Variants in NPAT observed in about 807,000 individuals in gnomAD.
NPAT encodes protein NPAT.
In NPAT, 52 loss-of-function variants were observed where a neutral mutation model predicts 130.7. That is an observed-to-expected ratio of 0.40 (90% CI 0.32 to 0.50). NPAT has a LOEUF of 0.50. NPAT is among the 20% of genes least tolerant of loss of function. NPAT has a pLI of 0.68. For missense variants in NPAT, 1,687 were observed against 1,662.6 expected, an observed-to-expected ratio of 1.01 and a Z score of -0.26; for synonymous variants, 580 against 584.8, an observed-to-expected ratio of 0.99 and a Z score of 0.12.
At chr11:108,175,453 G>A (rs1451801862) in intron 12 of NPAT, among the ~76,000 whole-genome samples, 1 of 152,202 alleles carries the variant, frequency 6.6e-6, no homozygotes. Context: ...AAATTGTATA[G>A]AGGCCACATA....
At chr11:108,178,656 G>A (rs1292255391) in intron 10 of NPAT, among the ~76,000 whole-genome samples, 7 of 152,170 alleles carry the variant, frequency 4.6e-5, no homozygotes, top group East Asian at 3.9e-4. Context: ...TCAGGAGTTC[G>A]AGACCCGCCT....
chr11:108,218,714 G>A (rs74800425), intron 1 of NPAT, among the ~76,000 whole-genome samples: 85 of 152,336 alleles, frequency 5.6e-4, no homozygotes, highest in African/African-American at 2.0e-3. Context: ...GTTTGAAGGT[G>A]CAGATGAGTA....
rs1286706616 is a variant in NPAT at position 108,172,727 on chromosome 11, C to T, written c.2257G>A (p.Asp753Asn). 1 of 1,613,550 alleles carries T rather than the reference C, an allele frequency of 6.2e-7. No homozygotes were observed. The highest frequency in any genetic ancestry group is 8.5e-7 in the Non-Finnish European group (1 of 1,180,028). The stretch of plus-strand genomic sequence containing the variant: ...GAAACAGCACTGGTAAGTTCAGTAT[C>T]TGAGGAAACAAATGGATCATCACTA... ...IISDDPFVSS[D>N]TELTSAVSSI... The change falls in exon 13 of 18, where the codon GAT becomes AAT. Residue 753 changes from aspartate to asparagine, a missense_variant. Transcript: ENST00000278612.
intron 1 of NPAT, chr11:108,208,614 A>C: frequency 2.9e-6 from 1 of 341,082 alleles, no homozygotes; most frequent in Middle Eastern, 1.1e-3. Context: ...GAGAGAGAGA[A>C]ATAACACTTA....
chr11:108,172,162 C>T lies in NPAT; in HGVS notation c.2785+37G>A, dbSNP rs745616513. 7.6e-6 allele frequency: 12 copies of T among 1,575,996 alleles called. No homozygotes were observed. The Admixed American group carries it at 1.0e-4, about 13-fold the overall frequency. ...CATACAAAAGAAATTAGATCCCAACCCAGAGAAACAAATTTCAATTATGTT... is the reference window on the plus strand; with the variant it reads ...CATACAAAAGAAATTAGATCCCAACTCAGAGAAACAAATTTCAATTATGTT... On this transcript the variant is annotated intron_variant, in intron 13 of 17. Coordinates refer to ENST00000278612, the MANE Select transcript of NPAT (RefSeq NM_002519.3).
intron 2 of NPAT, 135 bp downstream of exon 2, chr11:108,197,167 T>G: frequency 2.9e-6 from 2 of 700,770 alleles, no homozygotes; most frequent in Admixed American, 2.3e-5. Context: ...CTTTGGGTCT[T>G]ACCAGTCATG....
chr11:108,173,900 C>T lies in NPAT; in HGVS notation c.1133-49G>A, dbSNP rs1370738196. 3 of 1,526,574 alleles carry T rather than the reference C, an allele frequency of 2.0e-6. 1 individual carries two copies. The South Asian group carries it at 3.4e-5, about 17-fold the overall frequency. 94.6% of individuals were successfully genotyped at this position (1,526,574 alleles called of 1,614,324 possible). A position where few individuals can be genotyped will look rare whatever the true frequency, so the allele number is the denominator to read the frequency against. On this transcript the variant is annotated intron_variant, in intron 12 of 17. Coordinates refer to ENST00000278612, the MANE Select transcript of NPAT (RefSeq NM_002519.3). Reference sequence around the variant, plus strand: ...CAGATATGGTAAATATGTTCAGCTTCTGAGGTAGTCATTTTTGCCATAAAA... The same window carrying T: ...CAGATATGGTAAATATGTTCAGCTTTTGAGGTAGTCATTTTTGCCATAAAA...
In NPAT at chr11:108,172,870, G is replaced by A; in HGVS notation, c.2114C>T (p.Ser705Phe). 1 of 1,614,090 alleles carries A rather than the reference G, an allele frequency of 6.2e-7. No homozygotes were observed. The change falls in exon 13 of 18, where the codon TCT becomes TTT. Residue 705 changes from serine to phenylalanine, a missense_variant. Physicochemically the swap from Ser to Phe is radical, Grantham distance 155 (BLOSUM62 -2). Transcript: ENST00000278612. ...AGAATCTCCCACTGAAGAACACACA[G>A]ATTCTGGAGGAAGAGAGTGACTGTT... is the stretch of plus-strand genomic sequence containing the variant. Reference protein sequence around the residue: ...VENSHSLPPESVCSSVGDSHP... With the variant: ...VENSHSLPPEFVCSSVGDSHP...
Position 108,213,003 on chromosome 11 carries a change from G to A in NPAT, c.37+9497C>T, listed in dbSNP as rs1370106218. Among the ~76,000 whole-genome samples, 3 of 148,050 alleles carry A rather than the reference G, an allele frequency of 2.0e-5. No homozygotes were observed. The Admixed American group carries it at 2.0e-4, about 10-fold the overall frequency. On this transcript the variant is annotated intron_variant, in intron 1 of 17. Coordinates refer to ENST00000278612, the MANE Select transcript of NPAT (RefSeq NM_002519.3). ...TAAGAAACCTCCCTGGGCGGGGCAT[G>A]GTGGCTCATGCCTATAATCCAGCAC...
At chr11:108,216,205 T>G (rs1422961055) in intron 1 of NPAT, among the ~76,000 whole-genome samples, 1 of 152,184 alleles carries the variant, frequency 6.6e-6, no homozygotes, top group African/African-American at 2.4e-5. Flanking sequence ...TGGTGGAGTT[T>G]CAAGTACTTA....
intron 2 of NPAT, among the ~76,000 whole-genome samples, chr11:108,196,813 T>G (rs1372528288): frequency 6.6e-6 from 1 of 152,204 alleles, no homozygotes; most frequent in African/African-American, 2.4e-5. Context: ...AAGCAGACAT[T>G]CATGTTATCT....
chr11:108,160,959 T>A lies in NPAT; in HGVS notation c.4127A>T (p.Asp1376Val). The change falls in exon 17 of 18, where the codon GAT (aspartate) becomes GTT (valine). Residue 1376 changes from aspartate to valine, a missense_variant. Transcript: ENST00000278612. ...TTKKRKIEELDERERNSRPSS... is the reference protein window; with the variant it reads ...TTKKRKIEELVERERNSRPSS... ...AGGACGAGAGTTTCGCTCACGTTCA[T>A]CTAATTCCTCAATTTTCCGCTTTTT... The A allele has an allele frequency of 6.2e-7, 1 of 1,614,182 alleles. No individual in the cohort carries two copies. Among genetic ancestry groups the A allele is most frequent in the Non-Finnish European group, 8.5e-7 (1 of 1,179,998 alleles).
Position 108,222,580 on chromosome 11 carries a change from G to GT in NPAT, c.-45dup. On this transcript the variant is annotated 5_prime_UTR_variant, in exon 1 of 18. An upstream open reading frame in the 5' UTR gains an earlier in-frame stop. Transcript: ENST00000278612. ...AACCACAATAAGGAACAAGACTCAG[G>GT]TTAAAGCAAACACAGCGACAGCTCC... The GT allele has an allele frequency of 1.9e-6, 3 of 1,610,706 alleles. No individual in the cohort carries two copies. The highest frequency in any genetic ancestry group is 2.5e-6 in the Non-Finnish European group (3 of 1,177,622).
At chr11:108,183,511 G>C (rs1402754331) in intron 10 of NPAT, among the ~76,000 whole-genome samples, 1 of 152,060 alleles carries the variant, frequency 6.6e-6, no homozygotes, top group East Asian at 1.9e-4. Context: ...TCTTCAAAAA[G>C]GGTACTTGGG....
intron 1 of NPAT, among the ~76,000 whole-genome samples, chr11:108,212,945 CAAAAAAAAAAAAA>C (rs34466178): frequency 1.1e-4 from 4 of 36,416 alleles, no homozygotes; most frequent in Non-Finnish European, 1.8e-4. Flanking sequence ...GACTCTGTCT[CAAAAAAAAAAAAA>C]AAAAAAAAAA....
At chr11:108,174,115 G>A (rs955047390) in intron 12 of NPAT, among the ~76,000 whole-genome samples, 3 of 152,088 alleles carry the variant, frequency 2.0e-5, no homozygotes, top group Non-Finnish European at 2.9e-5. Context: ...AAGTAAAGAG[G>A]TTTAATATTT....
chr11:108,216,027 C>T (rs868012188), intron 1 of NPAT, among the ~76,000 whole-genome samples: 2 of 152,082 alleles, frequency 1.3e-5, no homozygotes, highest in South Asian at 2.1e-4. Flanking sequence ...GCTTTCCGAC[C>T]GTTATAATAT....
At chr11:108,176,057 T>G (rs2078002388) in intron 12 of NPAT, among the ~76,000 whole-genome samples, 189 bp downstream of exon 12, 1 of 152,154 alleles carries the variant, frequency 6.6e-6, no homozygotes, top group Non-Finnish European at 1.5e-5. Context: ...AGTAAAAGAA[T>G]GAATACTGTA....
chr11:108,169,334 C>T (rs552505352), intron 15 of NPAT, among the ~76,000 whole-genome samples: 5 of 152,134 alleles, frequency 3.3e-5, no homozygotes, highest in Non-Finnish European at 7.4e-5. Context: ...AGGTGCTGTA[C>T]CAGACCTATC....
Sources: gnomAD v4.1 joint callset for allele counts (sites outside exome capture counted in the v4.1 genomes callset) on GRCh38, gnomAD v4.1.1 for gene constraint, MANE v1.5 for transcripts, NCBI Gene and HGNC (gene_info 2026-07-23, HGNC 2026-07-21) for gene names.